The following SAAL1 variants were observed in gnomAD, a reference collection of about 807,000 sequenced individuals.
SAAL1 encodes serum amyloid A like 1.
SAAL1 carries 42 observed loss-of-function variants against 59.8 expected under a neutral mutation model. That is an observed-to-expected ratio of 0.70 (90% CI 0.55 to 0.91). The LOEUF (loss-of-function observed/expected upper bound fraction) is 0.91. Among genes scored for constraint, SAAL1 ranks in the 40% least tolerant of loss-of-function variants. The pLI is 0.00. For synonymous variants in SAAL1, 191 were observed against 194.3 expected (o/e 0.98, Z 0.14); for missense variants, 542 against 561.1 (o/e 0.97, Z 0.34).
At chr11:18,095,360 T>C (rs974602901) in intron 3 of SAAL1, among the ~76,000 whole-genome samples, 2 of 152,190 alleles carry the variant, frequency 1.3e-5, no homozygotes, top group African/African-American at 4.8e-5. Context: ...AAATCTTATA[T>C]TAATATAAGG....
chr11:18,080,797 G>A (rs1467961926), intron 11 of SAAL1, among the ~76,000 whole-genome samples: 1 of 152,054 alleles, frequency 6.6e-6, no homozygotes, highest in African/African-American at 2.4e-5. Context: ...GATTCTAATG[G>A]TAGGAAATGT....
Position 18,080,410 on chromosome 11 carries a change from C to G in SAAL1, c.1414G>C (p.Val472Leu). The G allele has an allele frequency of 6.3e-7, 1 of 1,587,232 alleles. No homozygotes were observed. The highest frequency in any genetic ancestry group is 8.5e-7 in the Non-Finnish European group (1 of 1,169,690). ...TTCCAATTCAGGTTTTAAGTCTGAACCTTCAAACTTGGGAAGTTTTTTTCC... is the reference window on the plus strand; with the variant it reads ...TTCCAATTCAGGTTTTAAGTCTGAAGCTTCAAACTTGGGAAGTTTTTTTCC... ...DLEKNFPSLK[V>L]QT Residue 472 changes from valine to leucine, a missense_variant, in exon 12 of 12, where the codon GTT becomes CTT. By Grantham distance (32) the Val-to-Leu change is conservative (BLOSUM62 1). Coordinates refer to ENST00000524803, the MANE Select transcript of SAAL1 (RefSeq NM_138421.3).
At chr11:18,085,822 G>A (rs934262092) in intron 9 of SAAL1, among the ~76,000 whole-genome samples, 2 of 152,092 alleles carry the variant, frequency 1.3e-5, no homozygotes, top group Non-Finnish European at 2.9e-5. Flanking sequence ...AAATGATGTT[G>A]AGATAACTGG....
chr11:18,083,065 T>C (rs368977647), intron 10 of SAAL1: 3 of 152,436 alleles, frequency 2.0e-5, no homozygotes, highest in South Asian at 4.1e-4. Context: ...AATATATGGA[T>C]AGAAAAAACA....
chr11:18,094,205 A>T (rs1016525466), intron 3 of SAAL1, among the ~76,000 whole-genome samples: 1 of 152,152 alleles, frequency 6.6e-6, no homozygotes, highest in African/African-American at 2.4e-5. Context: ...GGACATACAG[A>T]ATTCAGGGTT....
rs78331256 is a variant in SAAL1, at chr11:18,094,955, C to T, written c.333+1816G>A. On this transcript the variant is annotated intron_variant, in intron 3 of 11. Coordinates refer to ENST00000524803, the MANE Select transcript of SAAL1 (RefSeq NM_138421.3). ...GCCCAGAGTCTCACACTTGGAGATT[C>T]TGCTTTAACTCATCTAGGGTATGGC... is the stretch of plus-strand genomic sequence containing the variant. Among the ~76,000 whole-genome samples, 1,361 of 152,268 alleles carry T rather than the reference C, an allele frequency of 8.9e-3. 24 individuals are homozygous for T. The highest frequency in any genetic ancestry group is 0.031 in the African/African-American group (1,302 of 41,542).
intron 7 of SAAL1, among the ~76,000 whole-genome samples, chr11:18,088,956 A>G (rs544686091): frequency 6.2e-4 from 94 of 152,364 alleles, no homozygotes; most frequent in African/African-American, 2.2e-3. Context: ...AACATCGGTC[A>G]CTTATTGAAG....
chr11:18,086,239 T>C (rs915526311), intron 9 of SAAL1, among the ~76,000 whole-genome samples: 2 of 152,012 alleles, frequency 1.3e-5, no homozygotes, highest in Non-Finnish European at 2.9e-5. Context: ...CCTGTCTCTA[T>C]AAATATTTAA....
chr11:18,090,884 G>A (rs1300110029), intron 4 of SAAL1: 1 of 155,306 alleles, frequency 6.4e-6, no homozygotes, highest in Non-Finnish European at 1.4e-5. Flanking sequence ...AATCTGGGAG[G>A]TTATTTGGAT....
chr11:18,080,619 T>C lies in SAAL1; in HGVS notation c.1333-128A>G, dbSNP rs527492835. On this transcript the variant is annotated intron_variant, in intron 11 of 11. Coordinates refer to ENST00000524803, the MANE Select transcript of SAAL1 (RefSeq NM_138421.3). ...GAAATGCTGGCAGATCTCCAGATGATAGTAACAGTACTTCCTAAGCAGTCT... is the reference window on the plus strand; with the variant it reads ...GAAATGCTGGCAGATCTCCAGATGACAGTAACAGTACTTCCTAAGCAGTCT... 53 of 585,742 alleles carry C rather than the reference T, an allele frequency of 9.0e-5. No individual in the cohort carries two copies. The African/African-American group carries it at 9.4e-4, about 10-fold the overall frequency. 36.3% of individuals were successfully genotyped at this position (585,742 alleles called of 1,614,324 possible). A position where few individuals can be genotyped will look rare whatever the true frequency, so the allele number is the denominator to read the frequency against.
At chr11:18,090,724 TTC>T (rs1590287035) in intron 4 of SAAL1, 3 of 375,414 alleles carry the variant, frequency 8.0e-6, no homozygotes, top group African/African-American at 2.1e-5. Context: ...CAAATCACAA[TTC>T]TCTTTCCCAC....
intron 10 of SAAL1, among the ~76,000 whole-genome samples, chr11:18,083,007 T>C (rs1848426369): frequency 6.6e-6 from 1 of 152,204 alleles, no homozygotes; most frequent in African/African-American, 2.4e-5. Flanking sequence ...ACATTTTATA[T>C]TCATAATACA....
rs114864240 is a variant in SAAL1 at position 18,084,864 on chromosome 11, C to T, written c.1043-1133G>A. Among the ~76,000 whole-genome samples, 708 of 152,236 alleles carry T rather than the reference C, an allele frequency of 4.7e-3. 7 individuals carry two copies. The highest frequency in any genetic ancestry group is 0.014 in the African/African-American group (600 of 41,526). On this transcript the variant is annotated intron_variant, in intron 9 of 11. Transcript: ENST00000524803. ...CACTGCAGCCTCTGCCTCCCAGGTT[C>T]GAGCAACTCTCCTGCCTCAGCCTTC... is the stretch of plus-strand genomic sequence containing the variant.
intron 3 of SAAL1, among the ~76,000 whole-genome samples, chr11:18,096,414 C>A (rs1848576943): frequency 6.6e-6 from 1 of 151,704 alleles, no homozygotes; most frequent in African/African-American, 2.4e-5. Flanking sequence ...ACCTTTGTCT[C>A]CACAAAATAA....
chr11:18,104,741 C>T (rs1848670216), intron 1 of SAAL1, among the ~76,000 whole-genome samples: 2 of 152,174 alleles, frequency 1.3e-5, no homozygotes, highest in African/African-American at 4.8e-5. Context: ...GGATGGTGAA[C>T]AGTTCAGAGT....
Position 18,092,229 on chromosome 11 carries a change from A to C in SAAL1, c.413+16T>G. The C allele has an allele frequency of 7.5e-7, 1 of 1,342,184 alleles. No homozygotes were observed. Among genetic ancestry groups the C allele is most frequent in the Non-Finnish European group, 1.1e-6 (1 of 947,700 alleles). The allele number at this position is 1,342,184 out of a possible 1,614,324, so 83.1% of individuals were successfully genotyped here. A position where few individuals can be genotyped will look rare whatever the true frequency, so the allele number is the denominator to read the frequency against. ...AATGAATATATTAAAAAACATAATT[A>C]TATAGTAAGACTTACCCAAGATTTT... On this transcript the variant is annotated intron_variant, in intron 4 of 11. Coordinates refer to ENST00000524803, the MANE Select transcript of SAAL1 (RefSeq NM_138421.3).
chr11:18,099,915 C>T (rs1358019740), intron 2 of SAAL1, among the ~76,000 whole-genome samples: 3 of 152,140 alleles, frequency 2.0e-5, no homozygotes, highest in East Asian at 1.9e-4. Flanking sequence ...CCAGACTTTG[C>T]GCCAGGGACC....
chr11:18,097,064 G>C (rs768252108), intron 2 of SAAL1, among the ~76,000 whole-genome samples: 5 of 151,900 alleles, frequency 3.3e-5, no homozygotes, highest in Admixed American at 6.6e-5. Context: ...GTGAAACCCT[G>C]TCTCTACTAA....
At chr11:18,105,296 G>A (rs1440373243) in intron 1 of SAAL1, among the ~76,000 whole-genome samples, 1 of 150,380 alleles carries the variant, frequency 6.6e-6, no homozygotes, top group African/African-American at 2.4e-5. Context: ...AGCCTCCTGA[G>A]TCGCTGGGAC....
Sources: allele counts gnomAD v4.1 joint callset (sites outside exome capture counted in the v4.1 genomes callset), GRCh38; gene constraint gnomAD v4.1.1; transcripts MANE v1.5; gene names NCBI Gene and HGNC (gene_info 2026-07-23, HGNC 2026-07-21).